Variants in ESRRB observed in about 807,000 individuals in gnomAD.
ESRRB encodes the protein estrogen related receptor beta.
ESRRB carries 16 observed loss-of-function variants against 46.0 expected under a neutral mutation model. The ratio of observed to expected loss-of-function variants is 0.35; its 90% CI spans 0.24 to 0.53. The LOEUF is 0.53. Among genes scored for constraint, ESRRB ranks in the 20% least tolerant of loss-of-function variants. The pLI is 0.93. For missense variants in ESRRB, 488 were observed against 607.4 expected, an observed-to-expected ratio of 0.80 and a Z score of 2.07; for synonymous variants, 246 against 259.6, an observed-to-expected ratio of 0.95 and a Z score of 0.50.
intron 1 of ESRRB, among the ~76,000 whole-genome samples, chr14:76,391,578 G>A (rs1885471452): frequency 6.6e-6 from 1 of 152,256 alleles, no homozygotes; most frequent in Admixed American, 6.5e-5. Flanking sequence ...AGGCAGCGTT[G>A]AGAGTGAAGC....
chr14:76,452,055 C>T (rs1235481637), intron 2 of ESRRB, among the ~76,000 whole-genome samples: 1 of 152,018 alleles, frequency 6.6e-6, no homozygotes, highest in East Asian at 2.0e-4. Context: ...GATTCTCCTG[C>T]CTCAGCCTCC....
Position 76,491,520 on chromosome 14 carries a change from C to T in ESRRB, c.924C>T (p.Gly308=). The T allele has an allele frequency of 1.2e-6, 2 of 1,600,680 alleles. No homozygotes were observed. The highest frequency in any genetic ancestry group is 8.5e-7 in the Non-Finnish European group (1 of 1,174,010). The part of the protein sequence containing the change: ...QSAWMEILIL[G]IVYRSLPYDD... ...CCTGGATGGAAATCCTCATCCTGGG[C>T]ATCGTGTACCGCTCGCTGCCCTATG... is the stretch of plus-strand genomic sequence containing the variant. The change falls in exon 6 of 7, where the codon GGC becomes GGT. Residue 308 remains glycine (G), a synonymous_variant. Coordinates refer to ENST00000644823, the MANE Select transcript of ESRRB (RefSeq NM_001379180.1).
chr14:76,358,327 GAA>G (rs1299234239), intron 1 of ESRRB, among the ~76,000 whole-genome samples: 2 of 11,226 alleles, frequency 1.8e-4, no homozygotes, highest in Non-Finnish European at 2.8e-4. Flanking sequence ...AAAAAAAAAA[GAA>G]AGAAAGAAAG....
At chr14:76,334,387 G>A (rs1884100730) in intron 1 of ESRRB, among the ~76,000 whole-genome samples, 1 of 152,164 alleles carries the variant, frequency 6.6e-6, no homozygotes, top group Non-Finnish European at 1.5e-5. Context: ...ACGAATCCTG[G>A]GCGGAGGGCC....
At chr14:76,491,394 C>T in intron 5 of ESRRB, 53 bp from the exon 6 acceptor site, 1 of 1,591,814 alleles carries the variant, frequency 6.3e-7, no homozygotes, top group Non-Finnish European at 8.5e-7. Flanking sequence ...CAGGGAGGCC[C>T]CTGGTCCGCC....
intron 1 of ESRRB, among the ~76,000 whole-genome samples, chr14:76,402,321 A>G (rs2139842582): frequency 6.6e-6 from 1 of 152,306 alleles, no homozygotes; most frequent in African/African-American, 2.4e-5. Context: ...ATTCTTGTAA[A>G]CCATGGCCCT....
At chr14:76,370,010 G>C (rs1884582374), upstream of ESRRB, among the ~76,000 whole-genome samples, 1 of 152,178 alleles carries the variant, frequency 6.6e-6, no homozygotes, top group Non-Finnish European at 1.5e-5. Context: ...ACTATCATCA[G>C]CCAAAGAGAA....
chr14:76,390,576 A>G (rs918797377), intron 1 of ESRRB, among the ~76,000 whole-genome samples: 3 of 152,226 alleles, frequency 2.0e-5, no homozygotes, highest in Non-Finnish European at 4.4e-5. Context: ...AATAAATATT[A>G]GTTCTTTTTA....
At position 76,499,567 on chromosome 14, in the gene ESRRB, A is replaced by T. The variant is rs974933376; in HGVS notation, c.*1109A>T. 9 of 486,932 alleles carry T rather than the reference A, an allele frequency of 1.8e-5. No individual in the cohort carries two copies. Among genetic ancestry groups the T allele is most frequent in the African/African-American group, 1.8e-4 (9 of 51,422 alleles). The allele number at this position is 486,932 out of a possible 1,614,324, so 30.2% of individuals were successfully genotyped here. ...TTCCCTGCACTCAGCATCATGCCAC[A>T]GGGCTAGTGTACCAGTGCCACAGGA... On this transcript the variant is annotated 3_prime_UTR_variant, in exon 7 of 7. Coordinates refer to ENST00000644823, the MANE Select transcript of ESRRB (RefSeq NM_001379180.1).
chr14:76,366,158 G>A (rs1264988838), intron 1 of ESRRB, among the ~76,000 whole-genome samples: 1 of 152,154 alleles, frequency 6.6e-6, no homozygotes, highest in African/African-American at 2.4e-5. Context: ...TTGGTTTGGG[G>A]GTGAACACGT....
intron 1 of ESRRB, among the ~76,000 whole-genome samples, chr14:76,320,492 G>A (rs747635642): frequency 6.6e-6 from 1 of 152,164 alleles, no homozygotes; most frequent in Non-Finnish European, 1.5e-5. Context: ...ACAGCTGTTT[G>A]CCTGTCTGTT....
At chr14:76,477,613 G>A (rs763294800) in intron 3 of ESRRB, among the ~76,000 whole-genome samples, 43 of 152,156 alleles carry the variant, frequency 2.8e-4, no homozygotes, top group Non-Finnish European at 4.4e-4. Context: ...CTTCATTATC[G>A]AGCCCATGGG....
In ESRRB at chr14:76,376,784, G is replaced by A. The variant is rs1382638479; in HGVS notation, c.50+333G>A. On this transcript the variant is annotated intron_variant, in intron 1 of 6. Transcript: ENST00000644823. The surrounding 1 kb of genome is among the most constrained non-coding windows in gnomAD (Gnocchi z 4.1). ...AGTTTTTGTGGAATGGAGCAAGAAG[G>A]GAGGCAGAAGCCCAGAACAGGTGCA... Among the ~76,000 whole-genome samples, 1 of 152,196 alleles carries A rather than the reference G, an allele frequency of 6.6e-6. No homozygotes were observed. Among genetic ancestry groups the A allele is most frequent in the Non-Finnish European group, 1.5e-5 (1 of 68,028 alleles).
intron 3 of ESRRB, among the ~76,000 whole-genome samples, chr14:76,466,848 T>A (rs1373824603): frequency 1.3e-5 from 2 of 152,040 alleles, no homozygotes; most frequent in Admixed American, 1.3e-4. Context: ...TTCAGTCTCC[T>A]GGGTAGCTGA....
At chr14:76,466,435 T>C (rs1448716075) in intron 3 of ESRRB, among the ~76,000 whole-genome samples, 1 of 152,132 alleles carries the variant, frequency 6.6e-6, no homozygotes, top group African/African-American at 2.4e-5. Context: ...CTCTTAAGAC[T>C]GTGGCCAGCT....
chr14:76,332,540 ATATATATTTATATAATATATATT>A (rs1260407190), intron 1 of ESRRB, among the ~76,000 whole-genome samples: 3 of 85,192 alleles, frequency 3.5e-5, no homozygotes, highest in African/African-American at 4.6e-5. Context: ...ATACAATATA[ATATATATTTATATAATATATATT>A]TATATATTTA....
At chr14:76,360,898 C>T (rs1005321341) in intron 1 of ESRRB, among the ~76,000 whole-genome samples, 6 of 152,186 alleles carry the variant, frequency 3.9e-5, no homozygotes, top group African/African-American at 1.4e-4. Context: ...ACTCATTTCC[C>T]CCCGGCCAGA....
rs537927277 is a variant in ESRRB at position 76,390,016 on chromosome 14, T to C, written c.50+13565T>C. ...GATGGGAGTATTTACACCACGGAAA[T>C]TGGCAAATGCTACAGATCCGCCGTC... On this transcript the variant is annotated intron_variant, in intron 1 of 6. Transcript: ENST00000644823. Among the ~76,000 whole-genome samples, 10 of 152,172 alleles carry C rather than the reference T, an allele frequency of 6.6e-5. No homozygotes were observed. The East Asian group carries it at 7.7e-4, about 12-fold the overall frequency.
intron 1 of ESRRB, among the ~76,000 whole-genome samples, chr14:76,324,621 G>C (rs1372271114): frequency 6.6e-6 from 1 of 152,182 alleles, no homozygotes; most frequent in Non-Finnish European, 1.5e-5. Flanking sequence ...AAGCTTCTAG[G>C]CTACAAAGAC....
Sources: allele counts gnomAD v4.1 joint callset (sites outside exome capture counted in the v4.1 genomes callset), GRCh38; gene constraint gnomAD v4.1.1; non-coding constraint Gnocchi (gnomAD v3.1); transcripts MANE v1.5; gene names NCBI Gene and HGNC (gene_info 2026-07-23, HGNC 2026-07-21).